Variants in TTC28 observed in about 807,000 individuals in gnomAD.
TTC28 encodes the protein tetratricopeptide repeat domain 28.
A neutral mutation model predicts 198.0 loss-of-function variants in TTC28; 61 were observed. The observed-to-expected ratio is 0.31, with a 90% CI of 0.25 to 0.38. The LOEUF is 0.38. TTC28 is among the 10% of genes least tolerant of loss of function. TTC28 has a pLI of 1.00. For synonymous variants in TTC28, 1,171 were observed against 1,297.8 expected (o/e 0.90, Z 2.10); for missense variants, 2,678 against 3,164.0 (o/e 0.85, Z 3.69).
At chr22:28,037,779 A>G (rs940029199) in intron 12 of TTC28, among the ~76,000 whole-genome samples, 5 of 152,242 alleles carry the variant, frequency 3.3e-5, no homozygotes, top group Non-Finnish European at 2.9e-5. Context: ...CCATCGTCTC[A>G]GCCCAAAATC....
At chr22:27,983,897 TG>T (rs1346664504) in intron 22 of TTC28, 46 bp from the exon 23 acceptor site, 2 of 1,498,368 alleles carry the variant, frequency 1.3e-6, no homozygotes, top group East Asian at 4.9e-5. Context: ...GAATTCTATA[TG>T]GTTTTGATTT....
At chr22:28,662,434 T>C (rs2051763489) in intron 1 of TTC28, among the ~76,000 whole-genome samples, 2 of 152,236 alleles carry the variant, frequency 1.3e-5, no homozygotes, top group Admixed American at 1.3e-4. Context: ...CTGGATGGTA[T>C]TGATAAAGTT....
intron 5 of TTC28, among the ~76,000 whole-genome samples, chr22:28,230,160 C>A (rs1183661742): frequency 6.6e-6 from 1 of 152,214 alleles, no homozygotes; most frequent in African/African-American, 2.4e-5. Context: ...GTAACAAAAT[C>A]TGACAGAGAA....
At chr22:28,123,167 A>G (rs1942830136) in intron 6 of TTC28, among the ~76,000 whole-genome samples, 1 of 152,180 alleles carries the variant, frequency 6.6e-6, no homozygotes, top group South Asian at 2.1e-4. Context: ...GCCCAGTATC[A>G]ATGCTTCCCA....
intron 2 of TTC28, among the ~76,000 whole-genome samples, chr22:28,496,827 T>C (rs1255845396): frequency 2.0e-5 from 3 of 152,112 alleles, no homozygotes; most frequent in African/African-American, 7.2e-5. Context: ...ATCTTGACAA[T>C]AGCCTCATAA....
At chr22:28,450,304 C>T (rs935513066) in intron 2 of TTC28, among the ~76,000 whole-genome samples, 1 of 152,016 alleles carries the variant, frequency 6.6e-6, no homozygotes, top group Non-Finnish European at 1.5e-5. Flanking sequence ...TAAACACAAC[C>T]GACTTCACTG....
At chr22:28,371,925 A>G (rs2046344525) in intron 2 of TTC28, among the ~76,000 whole-genome samples, 1 of 150,226 alleles carries the variant, frequency 6.7e-6, no homozygotes, top group South Asian at 2.1e-4. Context: ...TTATTTTATT[A>G]TTATTATACT....
chr22:28,488,616 T>TA (rs1349258874), intron 2 of TTC28, among the ~76,000 whole-genome samples: 1 of 152,038 alleles, frequency 6.6e-6, no homozygotes, highest in Non-Finnish European at 1.5e-5. Context: ...GCAGAAAAAA[T>TA]AAGACTTTTC....
chr22:28,623,824 T>C (rs1241222201), intron 2 of TTC28, among the ~76,000 whole-genome samples: 10 of 152,026 alleles, frequency 6.6e-5, no homozygotes, highest in Middle Eastern at 3.4e-3. Context: ...ACAAGGAAAA[T>C]TGGAAAATAT....
intron 2 of TTC28, among the ~76,000 whole-genome samples, chr22:28,491,601 C>T (rs1279437674): frequency 6.6e-6 from 1 of 152,094 alleles, no homozygotes; most frequent in Non-Finnish European, 1.5e-5. Flanking sequence ...ATTAAAAAGT[C>T]AGGAAACAAC....
intron 5 of TTC28, among the ~76,000 whole-genome samples, chr22:28,211,261 G>A (rs1343449150): frequency 1.3e-5 from 2 of 152,084 alleles, no homozygotes; most frequent in Non-Finnish European, 2.9e-5. Flanking sequence ...CATAATGACA[G>A]GATCAAATTC....
intron 13 of TTC28, among the ~76,000 whole-genome samples, chr22:28,015,960 T>A (rs1319099541): frequency 6.6e-6 from 1 of 151,848 alleles, no homozygotes; most frequent in East Asian, 1.9e-4. Flanking sequence ...AATAAATTAT[T>A]TGAAAGATTC....
intron 2 of TTC28, among the ~76,000 whole-genome samples, chr22:28,379,290 T>C (rs2046460621): frequency 6.6e-6 from 1 of 152,150 alleles, no homozygotes; most frequent in Non-Finnish European, 1.5e-5. Flanking sequence ...ATACCCAAAA[T>C]AACTGAAAGC....
At position 28,526,743 on chromosome 22, in the gene TTC28, G is replaced by T. The variant is rs1004915099; in HGVS notation, c.381+102809C>A. ...GAGGAAGAAGCTAATCTGTTTTTTT[G>T]TTTGTTTGTTTTTTTATTTTAATTT... is the stretch of plus-strand genomic sequence containing the variant. On this transcript the variant is annotated intron_variant, in intron 2 of 22. Coordinates refer to ENST00000397906, the MANE Select transcript of TTC28 (RefSeq NM_001145418.2). Among the ~76,000 whole-genome samples the T allele has an allele frequency of 2.6e-5, 4 of 151,846 alleles. No homozygotes were observed. The East Asian group carries it at 5.8e-4, about 22-fold the overall frequency.
chr22:28,621,755 A>G (rs1340123418), intron 2 of TTC28, among the ~76,000 whole-genome samples: 2 of 149,916 alleles, frequency 1.3e-5, no homozygotes, highest in South Asian at 2.1e-4. Context: ...AAAAAAAAAA[A>G]AAAAAAAGAA....
At chr22:28,539,096 G>A (rs1209382040) in intron 2 of TTC28, among the ~76,000 whole-genome samples, 2 of 152,134 alleles carry the variant, frequency 1.3e-5, no homozygotes, top group African/African-American at 2.4e-5. Context: ...AGTCCTGCCT[G>A]AGGTCAAGTT....
rs1383136980 is a variant in TTC28 at position 28,101,258 on chromosome 22, C to T, written c.3330G>A (p.Leu1110=). 6.4e-7 allele frequency: 1 copy of T among 1,551,640 alleles called. No homozygotes were observed. The highest frequency in any genetic ancestry group is 2.0e-5 in the Admixed American group (1 of 50,958). The change falls in exon 9 of 23, where the codon CTG becomes CTA. Residue 1110 remains leucine (L), a synonymous_variant. Coordinates refer to ENST00000397906, the MANE Select transcript of TTC28 (RefSeq NM_001145418.2). ...LQEGLRLAEQ[L]GRREDEAKIR... is the part of the protein sequence containing the mutation. ...TTTTTGCCTCATCTTCTCTTCGGCC[C>T]AGTTGCTCAGCTAACCTTAAACCTG...
rs1398974094 is a variant in TTC28, at chr22:27,999,119, C to T, written c.4540G>A (p.Val1514Met). Reference protein sequence around the residue: ...MPSAEEEAYMVSELLGCQPLV... With the variant: ...MPSAEEEAYMMSELLGCQPLV... The stretch of plus-strand genomic sequence containing the variant: ...GGCTGGCAGCCCAGCAGCTCGGACA[C>T]CATGTAGGCCTCTTCCTCGGCCGAT... The change falls in exon 16 of 23, where the codon GTG (valine) becomes ATG (methionine). Residue 1514 changes from valine (V) to methionine (M), a missense_variant. Physicochemically the swap from Val to Met is conservative, Grantham distance 21. This residue lies in a region of TTC28 where 727 missense variants were observed against 861.9 expected (regional missense o/e 0.84). Coordinates refer to ENST00000397906, the MANE Select transcript of TTC28 (RefSeq NM_001145418.2). The T allele has an allele frequency of 1.9e-6, 3 of 1,550,642 alleles. No homozygotes were observed. Among genetic ancestry groups the T allele is most frequent in the East Asian group, 2.4e-5 (1 of 40,918 alleles).
intron 5 of TTC28, among the ~76,000 whole-genome samples, chr22:28,235,716 A>G (rs904446173): frequency 2.6e-5 from 4 of 152,230 alleles, no homozygotes; most frequent in African/African-American, 9.6e-5. Context: ...TTGATGGGGA[A>G]AACTGAATAG....
Sources: gnomAD v4.1 joint callset for allele counts (sites outside exome capture counted in the v4.1 genomes callset) on GRCh38, gnomAD v4.1.1 for gene constraint, gnomAD v4.1.1 regional missense constraint, MANE v1.5 for transcripts, NCBI Gene and HGNC (gene_info 2026-07-23, HGNC 2026-07-21) for gene names.